NSUN3: variants seen among roughly 807,000 people sequenced by gnomAD.
NSUN3 encodes the protein NOP2/Sun RNA methyltransferase 3, also known as tRNA (cytosine(34)-C(5))-methyltransferase, mitochondrial.
A neutral mutation model predicts 36.8 loss-of-function variants in NSUN3; 24 were observed. That is an observed-to-expected ratio of 0.65 (90% CI 0.47 to 0.92). The LOEUF is 0.92. Ranked by LOEUF, NSUN3 falls within the 40% of genes least tolerant of loss-of-function variation. NSUN3 has a pLI of 0.00. For missense variants in NSUN3, 381 were observed against 392.8 expected (o/e 0.97, Z 0.25); for synonymous variants, 146 against 145.2 (o/e 1.01, Z -0.04).
rs776716838 is a variant in NSUN3 at position 94,064,543 on chromosome 3, T to TA, written c.121dup (p.Arg41LysfsTer17). Reference sequence around the variant, plus strand: ...GAACTCGGAGATGCCTGGAATACAGTAAGGTTAGTATAATTCATCTCGATG... The same window carrying TA: ...GAACTCGGAGATGCCTGGAATACAGTAAAGGTTAGTATAATTCATCTCGATG... On this transcript the variant is annotated frameshift_variant, in exon 2 of 6. Coordinates refer to ENST00000314622, the MANE Select transcript of NSUN3 (RefSeq NM_022072.5). LOFTEE classifies it high-confidence loss of function. 3 of 1,553,084 alleles carry TA rather than the reference T, an allele frequency of 1.9e-6. No homozygotes were observed. In the South Asian group the frequency reaches 3.3e-5, roughly 17 times the overall value.
At position 94,094,278 on chromosome 3, in the gene NSUN3, C is replaced by T. The variant is rs553842157; in HGVS notation, c.605C>T (p.Pro202Leu). The T allele has an allele frequency of 3.1e-6, 5 of 1,612,324 alleles. No homozygotes were observed. The South Asian group carries it at 3.3e-5, about 11-fold the overall frequency. ...GGCAGAAAAATGGGAGATGCCCAGCCTGAAATGTTTGACAAGGTACTTTTA... is the reference window on the plus strand; with the variant it reads ...GGCAGAAAAATGGGAGATGCCCAGCTTGAAATGTTTGACAAGGTACTTTTA... ...LDGRKMGDAQ[P>L]EMFDKVLVDA... The change falls in exon 4 of 6, where the codon CCT becomes CTT. Residue 202 changes from proline to leucine, a missense_variant. Transcript: ENST00000314622.
Position 94,067,187 on chromosome 3 carries a change from C to T in NSUN3, c.122+2641C>T, listed in dbSNP as rs2077207634. Among the ~76,000 whole-genome samples the T allele has an allele frequency of 2.0e-5, 3 of 152,130 alleles. No homozygotes were observed. The East Asian group carries it at 5.8e-4, about 29-fold the overall frequency. On this transcript the variant is annotated intron_variant, in intron 2 of 5. Coordinates refer to ENST00000314622, the MANE Select transcript of NSUN3 (RefSeq NM_022072.5). ...TGGATACCAAGGCTTTGGTGAGTGTCCCTGGTTGGCAATACTCTTGTGCAT... is the reference window on the plus strand; with the variant it reads ...TGGATACCAAGGCTTTGGTGAGTGTTCCTGGTTGGCAATACTCTTGTGCAT...
intron 5 of NSUN3, among the ~76,000 whole-genome samples, chr3:94,096,061 T>A (rs2077337991): frequency 6.6e-6 from 1 of 151,930 alleles, no homozygotes; most frequent in Non-Finnish European, 1.5e-5. Context: ...GCCTGGCCAC[T>A]AAAGCAAAAT....
rs1411055430 is a variant in NSUN3, at chr3:94,130,262, C to T, written c.*3772C>T. Among the ~76,000 whole-genome samples, 1 of 152,184 alleles carries T rather than the reference C, an allele frequency of 6.6e-6. No homozygotes were observed. Among genetic ancestry groups the T allele is most frequent in the Non-Finnish European group, 1.5e-5 (1 of 68,030 alleles). ...GAGCTATTACTGCTGTTTGGAAATA[C>T]TTGCCTCTTGTAGATCCAGCTTTAA... On this transcript the variant is annotated 3_prime_UTR_variant, in exon 6 of 6. Coordinates refer to ENST00000314622, the MANE Select transcript of NSUN3 (RefSeq NM_022072.5).
At chr3:94,098,521 G>A (rs891948173) in intron 5 of NSUN3, among the ~76,000 whole-genome samples, 30 of 152,194 alleles carry the variant, frequency 2.0e-4, no homozygotes, top group African/African-American at 6.7e-4. Context: ...ATTTTCCAGT[G>A]AAAACCAGGA....
intron 5 of NSUN3, among the ~76,000 whole-genome samples, chr3:94,123,694 C>A (rs887212026): frequency 6.6e-6 from 1 of 152,170 alleles, no homozygotes; most frequent in Non-Finnish European, 1.5e-5. Flanking sequence ...GCTCCAGCCA[C>A]ACTGACCTCC....
intron 5 of NSUN3, among the ~76,000 whole-genome samples, chr3:94,105,220 C>T (rs906888809): frequency 1.3e-5 from 2 of 152,124 alleles, no homozygotes; most frequent in Non-Finnish European, 2.9e-5. Flanking sequence ...CTTTTTGCCT[C>T]CCCCGAATCT....
intron 5 of NSUN3, among the ~76,000 whole-genome samples, chr3:94,099,223 A>G (rs1028313828): frequency 2.0e-5 from 3 of 152,174 alleles, no homozygotes; most frequent in Non-Finnish European, 1.5e-5. Flanking sequence ...AAACATGGCT[A>G]TAGAGTTTAG....
chr3:94,108,717 G>C (rs1481267778), intron 5 of NSUN3, among the ~76,000 whole-genome samples: 2 of 151,976 alleles, frequency 1.3e-5, no homozygotes, highest in Non-Finnish European at 2.9e-5. Flanking sequence ...GGAGTGCAAT[G>C]GCACAATCTC....
intron 4 of NSUN3, 141 bp downstream of exon 4, chr3:94,094,435 A>G (rs2077329030): frequency 6.7e-6 from 5 of 750,212 alleles, no homozygotes; most frequent in African/African-American, 1.8e-5. Context: ...GATAAAGTGA[A>G]CATGGAAGCA....
chr3:94,103,444 A>T (rs892779886), intron 5 of NSUN3, among the ~76,000 whole-genome samples: 1 of 151,646 alleles, frequency 6.6e-6, no homozygotes, highest in Non-Finnish European at 1.5e-5. Flanking sequence ...TTATTATACA[A>T]TAGTATAATA....
Position 94,130,711 on chromosome 3 carries a change from A to G in NSUN3, c.*4221A>G, listed in dbSNP as rs1336696043. 2.0e-5 allele frequency among the ~76,000 whole-genome samples: 3 copies of G among 152,124 alleles called. No homozygotes were observed. The highest frequency in any genetic ancestry group is 7.2e-5 in the African/African-American group (3 of 41,430). On this transcript the variant is annotated 3_prime_UTR_variant, in exon 6 of 6. Transcript: ENST00000314622. Reference sequence around the variant, plus strand: ...CTTCCACACTCTGGGTGTCAGGGGTACAGCTCACAGGCTTTCAGTTTGGCC... The same window carrying G: ...CTTCCACACTCTGGGTGTCAGGGGTGCAGCTCACAGGCTTTCAGTTTGGCC...
At chr3:94,113,000 G>T (rs1364421369) in intron 5 of NSUN3, among the ~76,000 whole-genome samples, 1 of 152,118 alleles carries the variant, frequency 6.6e-6, no homozygotes, top group African/African-American at 2.4e-5. Flanking sequence ...AAGTAGCTGG[G>T]ACTACAGGGA....
rs757158342 is a variant in NSUN3 at position 94,126,366 on chromosome 3, A to C, written c.899A>C (p.His300Pro). ...AAAGGAATAGCAAGGACTTGCTCCCACGACTTCACATTTGCTCCCACTGGC... is the reference window on the plus strand; with the variant it reads ...AAAGGAATAGCAAGGACTTGCTCCCCCGACTTCACATTTGCTCCCACTGGC... Reference protein sequence around the residue: ...DIKGIARTCSHDFTFAPTGQE... With the variant: ...DIKGIARTCSPDFTFAPTGQE... Residue 300 changes from histidine (H) to proline (P), a missense_variant, in exon 6 of 6, where the codon CAC (histidine) becomes CCC (proline). His to Pro is a moderately conservative substitution (Grantham distance 77, BLOSUM62 -2). Transcript: ENST00000314622. The C allele has an allele frequency of 3.7e-6, 6 of 1,614,188 alleles. No individual in the cohort carries two copies. The highest frequency in any genetic ancestry group is 5.1e-6 in the Non-Finnish European group (6 of 1,180,032).
intron 2 of NSUN3, among the ~76,000 whole-genome samples, chr3:94,073,066 T>C (rs2077232352): frequency 6.6e-6 from 1 of 152,132 alleles, no homozygotes; most frequent in African/African-American, 2.4e-5. Flanking sequence ...TAATTTTCTG[T>C]TCTGTGATAG....
chr3:94,074,658 C>T (rs2077239359), intron 2 of NSUN3, among the ~76,000 whole-genome samples: 1 of 151,952 alleles, frequency 6.6e-6, no homozygotes, highest in South Asian at 2.1e-4. Flanking sequence ...TGATTTTGTT[C>T]CTTGAGATTT....
chr3:94,081,120 T>G (rs542620968), intron 2 of NSUN3, among the ~76,000 whole-genome samples: 1 of 152,232 alleles, frequency 6.6e-6, no homozygotes, highest in South Asian at 2.1e-4. Context: ...AGTGCATGGT[T>G]CCTTAGGCTC....
At chr3:94,125,702 T>C (rs2077482532) in intron 5 of NSUN3, among the ~76,000 whole-genome samples, 1 of 152,230 alleles carries the variant, frequency 6.6e-6, no homozygotes. Flanking sequence ...TACTCTATCT[T>C]TTCCATGTTG....
rs73846087 is a variant in NSUN3, at chr3:94,123,251, T to C, written c.744-2960T>C. On this transcript the variant is annotated intron_variant, in intron 5 of 5. Transcript: ENST00000314622. ...TCTGAGGCTTCACTCCTTTCACTGC[T>C]CTTCTATGTTGCATGCACTCTTTTC... Among the ~76,000 whole-genome samples, 719 of 152,316 alleles carry C rather than the reference T, an allele frequency of 4.7e-3. 5 individuals are homozygous for C. Among genetic ancestry groups the C allele is most frequent in the African/African-American group, 0.012 (489 of 41,564 alleles).
Sources: allele counts gnomAD v4.1 joint callset (sites outside exome capture counted in the v4.1 genomes callset), GRCh38; gene constraint gnomAD v4.1.1; transcripts MANE v1.5; gene names NCBI Gene and HGNC (gene_info 2026-07-23, HGNC 2026-07-21).